NR1H3: variants seen among roughly 807,000 people sequenced by gnomAD.
NR1H3 encodes the protein nuclear receptor subfamily 1 group H member 3, also known as oxysterols receptor LXR-alpha.
A neutral mutation model predicts 48.1 loss-of-function variants in NR1H3; 19 were observed. That is an observed-to-expected ratio of 0.40 (90% CI 0.28 to 0.58). The LOEUF is 0.58. Ranked by LOEUF, NR1H3 falls within the 20% of genes least tolerant of loss-of-function variation. NR1H3 has a pLI of 0.50. For synonymous variants in NR1H3, 232 were observed against 227.3 expected, an observed-to-expected ratio of 1.02 and a Z score of -0.19; for missense variants, 486 against 595.9, an observed-to-expected ratio of 0.82 and a Z score of 1.92.
chr11:47,268,469 A>T, intron 9 of NR1H3, 81 bp from the exon 10 acceptor site: 1 of 1,595,634 alleles, frequency 6.3e-7, no homozygotes, highest in Non-Finnish European at 8.6e-7. Context: ...CAGACAATTC[A>T]CCTCTCCCAC....
intron 7 of NR1H3, among the ~76,000 whole-genome samples, chr11:47,265,837 A>T (rs1257032872): frequency 6.6e-6 from 1 of 152,194 alleles, no homozygotes; most frequent in African/African-American, 2.4e-5. Flanking sequence ...ATGCAACTGC[A>T]CTCTAGTCTG....
intron 4 of NR1H3, among the ~76,000 whole-genome samples, chr11:47,260,911 C>G (rs1955777969): frequency 6.6e-6 from 1 of 151,994 alleles, no homozygotes; most frequent in African/African-American, 2.4e-5. Context: ...ATAGTGAAAC[C>G]CCGACTCTAC....
chr11:47,255,545 CTTTCTTTCTTTCTTTCTTTCTT>C (rs1565178177), upstream of NR1H3, among the ~76,000 whole-genome samples: 8,196 of 99,770 alleles, frequency 0.082, 319 homozygotes, highest in South Asian at 0.12. Flanking sequence ...CTTTCTTTTT[CTTTCTTTCTTTCTTTCTTTCTT>C]TCTTTCTTTC....
intron 3 of NR1H3, among the ~76,000 whole-genome samples, 193 bp downstream of exon 3, chr11:47,260,172 A>C (rs755656336): frequency 6.6e-6 from 1 of 152,220 alleles, no homozygotes; most frequent in Non-Finnish European, 1.5e-5. Context: ...TTCCTTGTTT[A>C]TAAAATGGAA....
At chr11:47,250,450 C>CT (rs1434212810) in intron 1 of NR1H3, 1 of 152,040 alleles carries the variant, frequency 6.6e-6, no homozygotes, top group East Asian at 1.9e-4. Context: ...GATTATCTGT[C>CT]TTTATTTTGT....
At chr11:47,249,837 A>G (rs1954477882) in intron 1 of NR1H3, among the ~76,000 whole-genome samples, 1 of 152,094 alleles carries the variant, frequency 6.6e-6, no homozygotes, top group Non-Finnish European at 1.5e-5. Flanking sequence ...CTCACCTGTA[A>G]TACCAGCACT....
intron 2 of NR1H3, 78 bp from the exon 3 acceptor site, chr11:47,259,713 A>C: frequency 6.3e-6 from 10 of 1,597,996 alleles, no homozygotes; most frequent in Admixed American, 1.7e-5. Flanking sequence ...ATAAGTTTGC[A>C]GTTTCCCAGC....
intron 7 of NR1H3, among the ~76,000 whole-genome samples, chr11:47,263,266 A>AT (rs1956100262): frequency 2.2e-5 from 1 of 46,126 alleles, no homozygotes; most frequent in Non-Finnish European, 3.9e-5. Flanking sequence ...GATTTCCCCT[A>AT]CTTTTTTTTT....
intron 1 of NR1H3, among the ~76,000 whole-genome samples, chr11:47,252,649 C>T (rs1954758185): frequency 6.6e-6 from 1 of 151,810 alleles, no homozygotes; most frequent in African/African-American, 2.4e-5. Flanking sequence ...TCTCGGCTCA[C>T]TGCAAGCTTC....
At chr11:47,261,184 C>G (rs759188626) in intron 4 of NR1H3, 57 bp from the exon 5 acceptor site, 5 of 1,346,382 alleles carry the variant, frequency 3.7e-6, no homozygotes, top group Non-Finnish European at 5.2e-6. Context: ...TTCCCCCACC[C>G]CCTTGCCCCA....
At chr11:47,255,731 G>A (rs776517033), upstream of NR1H3, among the ~76,000 whole-genome samples, 5 of 149,862 alleles carry the variant, frequency 3.3e-5, no homozygotes, top group Non-Finnish European at 5.9e-5. Flanking sequence ...GCAATGGCGC[G>A]ATCTCGGGTC....
chr11:47,248,688 G>A (rs756720888), upstream of NR1H3: 52 of 1,611,626 alleles, frequency 3.2e-5, no homozygotes, highest in African/African-American at 6.7e-5. Context: ...AGGTAACGAA[G>A]CGCAGACTCC....
At chr11:47,257,593 A>C, upstream of NR1H3, 1 of 936,840 alleles carries the variant, frequency 1.1e-6, no homozygotes. Flanking sequence ...GCTGGGGCTC[A>C]GTGTCGCAAT....
Position 47,260,042 on chromosome 11 carries a change from G to T in NR1H3, c.232+63G>T, listed in dbSNP as rs569326586. 5 of 1,357,088 alleles carry T rather than the reference G, an allele frequency of 3.7e-6. No individual in the cohort carries two copies. In the East Asian group the frequency reaches 1.3e-4, roughly 35 times the overall value. 84.1% of individuals were successfully genotyped at this position (1,357,088 alleles called of 1,614,324 possible). ...GATTCCAGGTCCTGGATCTGGAAGA[G>T]GTTCCTTGGGGGTTTTTACTTTATA... On this transcript the variant is annotated intron_variant, in intron 3 of 9. Transcript: ENST00000441012.
chr11:47,260,441 G>A lies in NR1H3; in HGVS notation c.265G>A (p.Ala89Thr), dbSNP rs1299127821. Reference sequence around the variant, plus strand: ...TCCACAAAAGCGGAAAAAGGGGCCAGCCCCCAAAATGCTGGGGAACGAGCT... The same window carrying A: ...TCCACAAAAGCGGAAAAAGGGGCCAACCCCCAAAATGCTGGGGAACGAGCT... ...IRPQKRKKGPAPKMLGNELCS... is the reference protein window; with the variant it reads ...IRPQKRKKGPTPKMLGNELCS... Residue 89 changes from alanine (A) to threonine (T), a missense_variant, in exon 4 of 10, where the codon GCC becomes ACC. Coordinates refer to ENST00000441012, the MANE Select transcript of NR1H3 (RefSeq NM_005693.4). 1 of 1,613,790 alleles carries A rather than the reference G, an allele frequency of 6.2e-7. No homozygotes were observed. The highest frequency in any genetic ancestry group is 8.5e-7 in the Non-Finnish European group (1 of 1,179,692).
At chr11:47,256,762 G>A (rs1955219463), upstream of NR1H3, among the ~76,000 whole-genome samples, 2 of 142,614 alleles carry the variant, frequency 1.4e-5, no homozygotes, top group East Asian at 2.0e-4. Context: ...ACAGAGTCTC[G>A]CTCTGTCACT....
At chr11:47,250,912 C>T (rs1349964457) in intron 1 of NR1H3, among the ~76,000 whole-genome samples, 1 of 152,256 alleles carries the variant, frequency 6.6e-6, no homozygotes, top group African/African-American at 2.4e-5. Flanking sequence ...GTAATCCCGG[C>T]ACTTTGGGAG....
At chr11:47,264,739 T>C (rs7120118) in intron 7 of NR1H3, among the ~76,000 whole-genome samples, 57,866 of 152,060 alleles carry the variant, frequency 0.38, 12,001 homozygotes, top group East Asian at 0.75. Context: ...TTGCATTTCT[T>C]ATTTCATGAG....
In NR1H3 at chr11:47,260,546, C is replaced by T; in HGVS notation, c.370C>T (p.Arg124Cys). 8 of 1,614,236 alleles carry T rather than the reference C, an allele frequency of 5.0e-6. No homozygotes were observed. The highest frequency in any genetic ancestry group is 1.1e-5 in the South Asian group (1 of 91,088). ...SCEGCKGFFR[R>C]SVIKGAHYIC... ...CGAGGGCTGCAAGGGATTCTTCCGC[C>T]GCAGCGTCATCAAGGGAGCGCACTA... The change falls in exon 4 of 10, where the codon CGC becomes TGC. Residue 124 changes from arginine (R) to cysteine (C), a missense_variant. Physicochemically the swap from Arg to Cys is radical, Grantham distance 180 (BLOSUM62 -3). Coordinates refer to ENST00000441012, the MANE Select transcript of NR1H3 (RefSeq NM_005693.4).
Sources: allele counts gnomAD v4.1 joint callset (sites outside exome capture counted in the v4.1 genomes callset), GRCh38; gene constraint gnomAD v4.1.1; transcripts MANE v1.5; gene names NCBI Gene and HGNC (gene_info 2026-07-23, HGNC 2026-07-21).